Variants in NBEA observed in about 807,000 individuals in gnomAD.
NBEA encodes neurobeachin.
A neutral mutation model predicts 343.4 loss-of-function variants in NBEA; 44 were observed. The ratio of observed to expected loss-of-function variants is 0.13; its 90% CI spans 0.10 to 0.16. The LOEUF is 0.16. Ranked by LOEUF, NBEA falls within the 10% of genes least tolerant of loss-of-function variation. The pLI, the probability that NBEA is intolerant of heterozygous loss-of-function variation, is 1.00. For synonymous variants in NBEA, 1,175 were observed against 1,238.7 expected, an observed-to-expected ratio of 0.95 and a Z score of 1.08; for missense variants, 2,555 against 3,631.3, an observed-to-expected ratio of 0.70 and a Z score of 7.62.
chr13:35,288,196 T>C (rs562313274), intron 34 of NBEA, among the ~76,000 whole-genome samples: 1 of 152,166 alleles, frequency 6.6e-6, no homozygotes, highest in Non-Finnish European at 1.5e-5. Flanking sequence ...GAGTTACTTA[T>C]AGCATCAGTC....
At chr13:34,969,378 T>C (rs2059927087) in intron 1 of NBEA, among the ~76,000 whole-genome samples, 1 of 152,132 alleles carries the variant, frequency 6.6e-6, no homozygotes. Context: ...TTGATAGTTT[T>C]ATTTTTTATT....
intron 38 of NBEA, among the ~76,000 whole-genome samples, chr13:35,427,117 CCTT>C (rs1309137673): frequency 6.6e-6 from 1 of 152,150 alleles, no homozygotes; most frequent in African/African-American, 2.4e-5. Context: ...TCATCTGAAG[CCTT>C]CTTCTCTCAA....
intron 28 of NBEA, 92 bp downstream of exon 28, chr13:35,177,195 C>T: frequency 1.1e-6 from 1 of 924,752 alleles, no homozygotes; most frequent in Non-Finnish European, 1.7e-6. Context: ...ATGAAAACGA[C>T]ATTCCCTAGT....
chr13:35,233,449 C>T (rs2075077819), intron 34 of NBEA, among the ~76,000 whole-genome samples: 1 of 152,110 alleles, frequency 6.6e-6, no homozygotes, highest in Non-Finnish European at 1.5e-5. Context: ...CATCTGGGAG[C>T]TGACTTTGAA....
intron 1 of NBEA, among the ~76,000 whole-genome samples, chr13:35,026,653 C>T (rs1275417235): frequency 6.6e-6 from 1 of 151,916 alleles, no homozygotes; most frequent in Non-Finnish European, 1.5e-5. Context: ...TTCAATTGGC[C>T]AGCTAGATTG....
chr13:35,048,779 A>T (rs1593582903), intron 5 of NBEA, 95 bp downstream of exon 5: 1 of 670,160 alleles, frequency 1.5e-6, no homozygotes, highest in Non-Finnish European at 2.5e-6. Context: ...ATATATGTAT[A>T]TATGTGCGTA....
chr13:34,942,733 A>G lies in NBEA; in HGVS notation c.-88A>G. 1 of 1,107,416 alleles carries G rather than the reference A, an allele frequency of 9.0e-7. No individual in the cohort carries two copies. The highest frequency in any genetic ancestry group is 4.0e-5 in the South Asian group (1 of 25,088). The allele number at this position is 1,107,416 out of a possible 1,614,324, so 68.6% of individuals were successfully genotyped here. ...TGGTGGATGCTGGGGCTCCGAGGCG[A>G]CGGCCGGGGGGCGGGGGCCGAGGCA... is the stretch of plus-strand genomic sequence containing the variant. On this transcript the variant is annotated 5_prime_UTR_variant, in exon 1 of 59. Coordinates refer to ENST00000379939, the MANE Select transcript of NBEA (RefSeq NM_001385012.1).
intron 1 of NBEA, among the ~76,000 whole-genome samples, chr13:35,032,596 CTCT>C (rs2152550711): frequency 6.6e-6 from 1 of 151,636 alleles, no homozygotes; most frequent in South Asian, 2.1e-4. Flanking sequence ...TGTAGGTTGT[CTCT>C]TTACTCCATT....
intron 1 of NBEA, among the ~76,000 whole-genome samples, chr13:34,971,832 T>G (rs796076565): frequency 1.3e-5 from 2 of 150,670 alleles, no homozygotes; most frequent in Admixed American, 6.6e-5. Context: ...TTTTTTTTTT[T>G]GTATCAGGAT....
At chr13:35,488,983 A>G (rs2152972210) in intron 41 of NBEA, among the ~76,000 whole-genome samples, 1 of 152,076 alleles carries the variant, frequency 6.6e-6, no homozygotes, top group Non-Finnish European at 1.5e-5. Flanking sequence ...AATACAAAAT[A>G]CATTTATGTC....
At chr13:35,082,750 C>G (rs1384277504) in intron 10 of NBEA, among the ~76,000 whole-genome samples, 1 of 152,148 alleles carries the variant, frequency 6.6e-6, no homozygotes, top group Admixed American at 6.5e-5. Context: ...ACTTCTCCCA[C>G]TTTTTGATGG....
intron 1 of NBEA, among the ~76,000 whole-genome samples, chr13:34,986,520 G>A (rs564757287): frequency 6.6e-6 from 1 of 150,878 alleles, no homozygotes; most frequent in African/African-American, 2.4e-5. Flanking sequence ...TGTTGATTTG[G>A]GGTGGAGAGT....
chr13:35,296,946 T>A (rs2036171889), intron 35 of NBEA, among the ~76,000 whole-genome samples: 1 of 152,022 alleles, frequency 6.6e-6, no homozygotes, highest in African/African-American at 2.4e-5. Flanking sequence ...GTTTAAATAA[T>A]TAGAGACTCA....
chr13:35,434,192 A>T (rs887765086), intron 39 of NBEA, among the ~76,000 whole-genome samples: 3 of 152,142 alleles, frequency 2.0e-5, no homozygotes, highest in Non-Finnish European at 4.4e-5. Context: ...TATAAGAAAC[A>T]AAATTTAAAA....
chr13:34,946,348 T>G (rs1479085776), intron 1 of NBEA, among the ~76,000 whole-genome samples: 2 of 152,174 alleles, frequency 1.3e-5, no homozygotes, highest in Non-Finnish European at 2.9e-5. Context: ...TAACATATGT[T>G]TATATAAGCT....
At chr13:35,067,802 T>C (rs2152572606) in intron 8 of NBEA, among the ~76,000 whole-genome samples, 1 of 152,200 alleles carries the variant, frequency 6.6e-6, no homozygotes, top group Non-Finnish European at 1.5e-5. Flanking sequence ...AGTGGCATGA[T>C]CATGGCTCAT....
intron 45 of NBEA, among the ~76,000 whole-genome samples, chr13:35,569,509 G>C (rs1357501137): frequency 5.3e-5 from 8 of 152,132 alleles, no homozygotes; most frequent in Non-Finnish European, 1.2e-4. Flanking sequence ...GGGATGTTGT[G>C]TTTAAAGGAA....
At chr13:34,952,789 C>T (rs895429972) in intron 1 of NBEA, among the ~76,000 whole-genome samples, 9 of 151,152 alleles carry the variant, frequency 6.0e-5, no homozygotes, top group African/African-American at 1.7e-4. Context: ...AAAAATAACG[C>T]AGCAGATTAA....
intron 55 of NBEA, among the ~76,000 whole-genome samples, chr13:35,664,682 C>T (rs2085264599): frequency 6.6e-6 from 1 of 152,182 alleles, no homozygotes; most frequent in Non-Finnish European, 1.5e-5. Context: ...CTTGCAAAGC[C>T]TTGGGTGTCT....
Sources: allele counts gnomAD v4.1 joint callset (sites outside exome capture counted in the v4.1 genomes callset), GRCh38; gene constraint gnomAD v4.1.1; transcripts MANE v1.5; gene names NCBI Gene and HGNC (gene_info 2026-07-23, HGNC 2026-07-21).